ARHGAP6: variants seen among roughly 807,000 people sequenced by gnomAD.
The protein encoded by ARHGAP6 is Rho GTPase activating protein 6, also known as rho GTPase-activating protein 6.
A neutral mutation model predicts 55.7 loss-of-function variants in ARHGAP6; 16 were observed. That is an observed-to-expected ratio of 0.29 (90% confidence interval 0.19 to 0.44). The LOEUF is 0.44. Among genes scored for constraint, ARHGAP6 ranks in the 20% least tolerant of loss-of-function variants. ARHGAP6 has a pLI of 1.00. For missense variants in ARHGAP6, 698 were observed against 808.9 expected (o/e 0.86, Z 1.66); for synonymous variants, 382 against 360.9 (o/e 1.06, Z -0.66).
intron 1 of ARHGAP6, among the ~76,000 whole-genome samples, chrX:11,624,492 T>C (rs1392743726): frequency 8.8e-6 from 1 of 113,239 alleles, no homozygotes; most frequent in Non-Finnish European, 1.9e-5. Context: ...GTTAACAACC[T>C]GAATATATAA....
At chrX:11,607,289 G>T (rs1394655539) in intron 1 of ARHGAP6, among the ~76,000 whole-genome samples, 1 of 111,838 alleles carries the variant, frequency 8.9e-6, no homozygotes, top group Non-Finnish European at 1.9e-5. Context: ...CTCAAGCAAT[G>T]ATATCAACAG....
intron 3 of ARHGAP6, among the ~76,000 whole-genome samples, chrX:11,193,574 A>T (rs897605328): frequency 5.4e-5 from 6 of 112,000 alleles, no homozygotes; most frequent in African/African-American, 1.9e-4. Context: ...GCTACTTAAA[A>T]TTTTTTTGTT....
chrX:11,658,612 C>T (rs747190427), intron 1 of ARHGAP6, among the ~76,000 whole-genome samples: 52 of 107,849 alleles, frequency 4.8e-4, no homozygotes, highest in Middle Eastern at 4.6e-3. Context: ...TCACTTCTTC[C>T]CTATAGATAT....
chrX:11,284,008 G>T (rs749058431), intron 1 of ARHGAP6, among the ~76,000 whole-genome samples: 1 of 111,870 alleles, frequency 8.9e-6, no homozygotes, highest in Non-Finnish European at 1.9e-5. Flanking sequence ...TCAAAAAGGA[G>T]AAATTTTGTA....
At chrX:11,417,059 CATATATAT>C (rs768174897) in intron 1 of ARHGAP6, among the ~76,000 whole-genome samples, 900 of 33,334 alleles carry the variant, frequency 0.027, 27 homozygotes, top group Middle Eastern at 0.095. Flanking sequence ...TGGGTGTGTA[CATATATAT>C]ATATATATAT....
chrX:11,540,316 T>A (rs2051145748), intron 1 of ARHGAP6, among the ~76,000 whole-genome samples: 1 of 108,889 alleles, frequency 9.2e-6, no homozygotes, highest in Non-Finnish European at 1.9e-5. Flanking sequence ...TGAAAAGGTT[T>A]AAATAAGAAA....
intron 1 of ARHGAP6, among the ~76,000 whole-genome samples, chrX:11,432,554 CTTTAT>C (rs973220045): frequency 8.9e-5 from 10 of 112,514 alleles, no homozygotes; most frequent in Non-Finnish European, 1.5e-4. Flanking sequence ...TAATTAGAAT[CTTTAT>C]TTACACTATT....
chrX:11,255,357 A>G (rs1237251318), intron 1 of ARHGAP6, among the ~76,000 whole-genome samples: 2 of 110,500 alleles, frequency 1.8e-5, no homozygotes, highest in African/African-American at 6.6e-5. Flanking sequence ...CAACAACCTT[A>G]TGAAGTGGTT....
At chrX:11,296,708 C>T in intron 1 of ARHGAP6, 2 of 1,066,100 alleles carry the variant, frequency 1.9e-6, no homozygotes, top group East Asian at 3.0e-5. Flanking sequence ...TAATCTCTTC[C>T]TCTCTCTTCT....
At chrX:11,489,745 G>A (rs1479745414) in intron 1 of ARHGAP6, among the ~76,000 whole-genome samples, 6 of 111,585 alleles carry the variant, frequency 5.4e-5, no homozygotes, top group Non-Finnish European at 1.1e-4. Context: ...GGAGGAGGAG[G>A]TATTCAACAT....
intron 1 of ARHGAP6, among the ~76,000 whole-genome samples, chrX:11,555,947 G>A (rs186368896): frequency 9.0e-6 from 1 of 110,972 alleles, no homozygotes; most frequent in Admixed American, 9.6e-5. Context: ...TCAACACAGG[G>A]TGATGCTGAT....
chrX:11,581,071 T>C (rs1390354190), intron 1 of ARHGAP6, among the ~76,000 whole-genome samples: 5 of 112,191 alleles, frequency 4.5e-5, no homozygotes, highest in African/African-American at 1.6e-4. Context: ...AAATTACCAG[T>C]GTTACAACTT....
chrX:11,434,873 G>T (rs1024391297), intron 1 of ARHGAP6, among the ~76,000 whole-genome samples: 3 of 111,753 alleles, frequency 2.7e-5, no homozygotes, highest in Non-Finnish European at 5.6e-5. Context: ...AGGAATGCTT[G>T]GTACATAAAG....
intron 1 of ARHGAP6, among the ~76,000 whole-genome samples, chrX:11,436,985 T>C (rs920867799): frequency 9.0e-6 from 1 of 110,827 alleles, no homozygotes; most frequent in East Asian, 2.8e-4. Context: ...TTTGAATATG[T>C]TAAAGACCAA....
intron 1 of ARHGAP6, among the ~76,000 whole-genome samples, chrX:11,311,309 ATTC>A (rs1174135598): frequency 3.6e-5 from 4 of 111,959 alleles, no homozygotes; most frequent in Non-Finnish European, 7.5e-5. Context: ...ATTAATTTTA[ATTC>A]TTCTTTTTTT....
intron 2 of ARHGAP6, among the ~76,000 whole-genome samples, chrX:11,244,042 A>G (rs1014834762): frequency 7.1e-5 from 8 of 112,423 alleles, no homozygotes; most frequent in Non-Finnish European, 1.5e-4. Context: ...TAATATAAGC[A>G]CTAAAACATC....
intron 1 of ARHGAP6, among the ~76,000 whole-genome samples, chrX:11,490,997 A>G (rs1430570187): frequency 2.7e-5 from 3 of 112,163 alleles, no homozygotes; most frequent in Non-Finnish European, 3.8e-5. Context: ...AGAGGTTGGA[A>G]TTGAAATGGG....
intron 1 of ARHGAP6, among the ~76,000 whole-genome samples, chrX:11,270,614 G>A (rs973450234): frequency 3.6e-5 from 4 of 112,089 alleles, no homozygotes; most frequent in African/African-American, 1.3e-4. Flanking sequence ...TGAAAGAGAT[G>A]TTTTAGGAAA....
intron 1 of ARHGAP6, among the ~76,000 whole-genome samples, chrX:11,640,981 C>T (rs2052468791): frequency 9.0e-6 from 1 of 111,347 alleles, no homozygotes; most frequent in African/African-American, 3.3e-5. Context: ...AGTTTTACAT[C>T]ACAAGCCTGT....
Sources: gnomAD v4.1 joint callset for allele counts (sites outside exome capture counted in the v4.1 genomes callset) on GRCh38, gnomAD v4.1.1 for gene constraint, MANE v1.5 for transcripts, NCBI Gene and HGNC (gene_info 2026-07-23, HGNC 2026-07-21) for gene names.